Variants in HTR7 observed in about 807,000 individuals in gnomAD.
HTR7 encodes the protein 5-HT-7.
Under a neutral mutation model 34.0 loss-of-function variants are expected in HTR7, and 16 were observed. The observed-to-expected ratio is 0.47, with a 90% CI of 0.32 to 0.71. HTR7 has a LOEUF of 0.71. HTR7 is among the 30% of genes least tolerant of loss of function. HTR7 has a pLI of 0.04. For missense variants in HTR7, 504 were observed against 625.5 expected (o/e 0.81, Z 2.07); for synonymous variants, 265 against 260.2 (o/e 1.02, Z -0.18).
chr10:90,767,566 T>C (rs1267570798), intron 1 of HTR7, among the ~76,000 whole-genome samples: 1 of 152,188 alleles, frequency 6.6e-6, no homozygotes, highest in Non-Finnish European at 1.5e-5. Flanking sequence ...TAAATTTTTC[T>C]CCTTCTCTTT....
At chr10:90,809,248 A>G (rs1224371107) in intron 1 of HTR7, among the ~76,000 whole-genome samples, 1 of 152,176 alleles carries the variant, frequency 6.6e-6, no homozygotes, top group Non-Finnish European at 1.5e-5. Context: ...CCTGCCTAGC[A>G]ATTTACTCTT....
chr10:90,826,138 A>G (rs1036789541), intron 1 of HTR7, among the ~76,000 whole-genome samples: 6 of 152,194 alleles, frequency 3.9e-5, no homozygotes, highest in Non-Finnish European at 8.8e-5. Context: ...ATGAGCTCTA[A>G]TATGTCTGGC....
chr10:90,756,804 T>C (rs1302585191), intron 1 of HTR7, among the ~76,000 whole-genome samples: 4 of 151,940 alleles, frequency 2.6e-5, no homozygotes, highest in South Asian at 2.1e-4. Context: ...TACCACACTT[T>C]AGTGGCTTAA....
At chr10:90,825,868 A>G in intron 1 of HTR7, among the ~76,000 whole-genome samples, 1 of 152,180 alleles carries the variant, frequency 6.6e-6, no homozygotes, top group African/African-American at 2.4e-5. Flanking sequence ...ACTAGAAAAT[A>G]GCATGAAAGG....
intron 1 of HTR7, among the ~76,000 whole-genome samples, chr10:90,820,809 T>C (rs1475743997): frequency 6.6e-6 from 1 of 152,066 alleles, no homozygotes; most frequent in Admixed American, 6.5e-5. Flanking sequence ...CACTAAAAAG[T>C]TGAAAAATAG....
At chr10:90,805,790 T>C (rs1845696090) in intron 1 of HTR7, among the ~76,000 whole-genome samples, 1 of 152,250 alleles carries the variant, frequency 6.6e-6, no homozygotes, top group African/African-American at 2.4e-5. Context: ...CCAAATTTTA[T>C]GAAAGCACTC....
chr10:90,807,967 C>T (rs1329956145), intron 1 of HTR7, among the ~76,000 whole-genome samples: 1 of 152,196 alleles, frequency 6.6e-6, no homozygotes, highest in Non-Finnish European at 1.5e-5. Flanking sequence ...TTCAATCTCT[C>T]CCTTCTTTCA....
At position 90,840,177 on chromosome 10, in the gene HTR7, T is replaced by TCACA. The variant is rs35170324; in HGVS notation, c.539+16952_539+16955dup. On this transcript the variant is annotated intron_variant, in intron 1 of 3. Coordinates refer to ENST00000336152, the MANE Select transcript of HTR7 (RefSeq NM_019859.4). ...CTCCATCTGTTTCTCTCTCTCTCTC[T>TCACA]CACACACACACACACACACACACAC... Among the ~76,000 whole-genome samples the TCACA allele has an allele frequency of 8.8e-3, 1,207 of 136,830 alleles. 16 individuals are homozygous for TCACA. The highest frequency in any genetic ancestry group is 0.02 in the African/African-American group (738 of 36,530). 89.8% of individuals were successfully genotyped at this position (136,830 alleles called of 152,430 possible).
Position 90,742,224 on chromosome 10 carries a change from A to T in HTR7, c.*258T>A, listed in dbSNP as rs1204167916. The T allele has an allele frequency of 3.3e-6, 1 of 301,110 alleles. No homozygotes were observed. The highest frequency in any genetic ancestry group is 6.2e-6 in the Non-Finnish European group (1 of 162,454). The allele number at this position is 301,110 out of a possible 1,614,324, so 18.7% of individuals were successfully genotyped here. On this transcript the variant is annotated 3_prime_UTR_variant, in exon 4 of 4. Coordinates refer to ENST00000336152, the MANE Select transcript of HTR7 (RefSeq NM_019859.4). ...AGAAACTGCTTCCTTTCTGGAACTC[A>T]GTTCTGTTGGTGTGCTTACTGCTGA...
At chr10:90,798,579 G>A (rs1845576211) in intron 1 of HTR7, among the ~76,000 whole-genome samples, 1 of 152,126 alleles carries the variant, frequency 6.6e-6, no homozygotes, top group South Asian at 2.1e-4. Flanking sequence ...AGCCAAGTGT[G>A]GTGGCACATG....
chr10:90,799,514 G>C (rs1347356618), intron 1 of HTR7, among the ~76,000 whole-genome samples: 1 of 152,098 alleles, frequency 6.6e-6, no homozygotes, highest in African/African-American at 2.4e-5. Flanking sequence ...CTGTCCACTG[G>C]TGAGATTCTA....
intron 1 of HTR7, among the ~76,000 whole-genome samples, chr10:90,836,351 C>A (rs568517787): frequency 6.6e-6 from 1 of 152,122 alleles, no homozygotes; most frequent in Non-Finnish European, 1.5e-5. Context: ...TCCTTAATCC[C>A]AGAAAGCTGC....
At chr10:90,814,137 A>G (rs925627394) in intron 1 of HTR7, among the ~76,000 whole-genome samples, 11 of 152,182 alleles carry the variant, frequency 7.2e-5, no homozygotes, top group Non-Finnish European at 8.8e-5. Context: ...TACTCCAGAC[A>G]ATGGTGCTGT....
At chr10:90,768,680 T>C (rs1845060004) in intron 1 of HTR7, among the ~76,000 whole-genome samples, 1 of 152,252 alleles carries the variant, frequency 6.6e-6, no homozygotes, top group South Asian at 2.1e-4. Flanking sequence ...AAGTATTAAA[T>C]TGTGGGACTT....
chr10:90,761,538 G>A lies in HTR7; in HGVS notation c.540-11944C>T, dbSNP rs112241009. Among the ~76,000 whole-genome samples, 674 of 152,072 alleles carry A rather than the reference G, an allele frequency of 4.4e-3. 6 individuals are homozygous for A. Among genetic ancestry groups the A allele is most frequent in the African/African-American group, 0.014 (580 of 41,468 alleles). ...TTTAAGGATGCAATCAGGCCTCCTC[G>A]TCACAAGCGTGTGGCCATCTATGGG... is the stretch of plus-strand genomic sequence containing the variant. On this transcript the variant is annotated intron_variant, in intron 1 of 3. Transcript: ENST00000336152.
chr10:90,771,134 T>C (rs1053776474), intron 1 of HTR7, among the ~76,000 whole-genome samples: 1 of 151,844 alleles, frequency 6.6e-6, no homozygotes, highest in East Asian at 1.9e-4. Context: ...AGCCAAACAC[T>C]TGTTGGGAAG....
At chr10:90,747,899 C>T (rs1844665165) in intron 2 of HTR7, among the ~76,000 whole-genome samples, 1 of 152,208 alleles carries the variant, frequency 6.6e-6, no homozygotes, top group African/African-American at 2.4e-5. Flanking sequence ...AAAACAAAGT[C>T]TTCATCAGAC....
rs1378961164 is a variant in HTR7 at position 90,777,264 on chromosome 10, C to T, written c.540-27670G>A. ...TTGGGAGGCTGAGGCGGGTGGATCACGAGGTCAGGGGTTTGAGACCAGCCT... is the reference window on the plus strand; with the variant it reads ...TTGGGAGGCTGAGGCGGGTGGATCATGAGGTCAGGGGTTTGAGACCAGCCT... On this transcript the variant is annotated intron_variant, in intron 1 of 3. Transcript: ENST00000336152. Among the ~76,000 whole-genome samples, 5 of 151,900 alleles carry T rather than the reference C, an allele frequency of 3.3e-5. No homozygotes were observed. In the South Asian group the frequency reaches 6.2e-4, roughly 19 times the overall value.
Position 90,749,937 on chromosome 10 carries a change from A to C in HTR7, c.540-343T>G, listed in dbSNP as rs563197934. Among the ~76,000 whole-genome samples the C allele has an allele frequency of 2.8e-4, 43 of 152,304 alleles. No individual in the cohort carries two copies. The highest frequency in any genetic ancestry group is 1.0e-3 in the Admixed American group (16 of 15,298). On this transcript the variant is annotated intron_variant, in intron 1 of 3. Coordinates refer to ENST00000336152, the MANE Select transcript of HTR7 (RefSeq NM_019859.4). The surrounding 1 kb of genome is among the most constrained non-coding windows in gnomAD (Gnocchi z 4.2). ...AGCCACCAAAATCAACCAGGACAAC[A>C]TATCAACTCTGATGTAGGATGTTGT...
Sources: allele counts gnomAD v4.1 joint callset (sites outside exome capture counted in the v4.1 genomes callset), GRCh38; gene constraint gnomAD v4.1.1; non-coding constraint Gnocchi (gnomAD v3.1); transcripts MANE v1.5; gene names NCBI Gene and HGNC (gene_info 2026-07-23, HGNC 2026-07-21).